LRRTM4: variants seen among roughly 807,000 people sequenced by gnomAD.
The protein encoded by LRRTM4 is leucine-rich repeat transmembrane neuronal protein 4.
A neutral mutation model predicts 47.6 loss-of-function variants in LRRTM4; 25 were observed. The observed-to-expected ratio is 0.53, with a 90% CI of 0.38 to 0.73. The LOEUF is 0.73. Among genes scored for constraint, LRRTM4 ranks in the 30% least tolerant of loss-of-function variants. LRRTM4 has a pLI of 0.00. For missense variants in LRRTM4, 638 were observed against 713.4 expected, an observed-to-expected ratio of 0.89 and a Z score of 1.20; for synonymous variants, 311 against 269.5, an observed-to-expected ratio of 1.15 and a Z score of -1.51.
chr2:77,446,830 G>C (rs568984471), intron 3 of LRRTM4, among the ~76,000 whole-genome samples: 1 of 152,162 alleles, frequency 6.6e-6, no homozygotes, highest in South Asian at 2.1e-4. Flanking sequence ...CCCTCTACTA[G>C]TATAAGAAAG....
chr2:77,409,605 CT>C (rs1020870904), intron 3 of LRRTM4, among the ~76,000 whole-genome samples: 28 of 152,088 alleles, frequency 1.8e-4, no homozygotes, highest in African/African-American at 5.8e-4. Flanking sequence ...CACTTTAAGA[CT>C]TTTTTTCTTT....
At chr2:76,858,352 T>A (rs1672216394) in intron 3 of LRRTM4, among the ~76,000 whole-genome samples, 1 of 152,202 alleles carries the variant, frequency 6.6e-6, no homozygotes, top group Admixed American at 6.5e-5. Flanking sequence ...CATTGACTTT[T>A]TCCGACCTGA....
In LRRTM4 at chr2:77,382,818, GA is replaced by G. The variant is rs1228593928; in HGVS notation, c.1551+135499del. On this transcript the variant is annotated intron_variant, in intron 3 of 3. Coordinates refer to ENST00000409884, the MANE Select transcript of LRRTM4 (RefSeq NM_001134745.3). The stretch of plus-strand genomic sequence containing the variant: ...ATTTTTTAACTAAATTGAAATCTAA[GA>G]GTACATGAAATCTAACCTGAAAATG... 2.6e-5 allele frequency among the ~76,000 whole-genome samples: 4 copies of G among 152,010 alleles called. No homozygotes were observed. In the South Asian group the frequency reaches 8.3e-4, roughly 31 times the overall value.
chr2:77,075,642 G>C (rs982459123), intron 3 of LRRTM4, among the ~76,000 whole-genome samples: 1 of 151,990 alleles, frequency 6.6e-6, no homozygotes, highest in South Asian at 2.1e-4. Context: ...GGGGCCGGGC[G>C]CGGTGGCTCA....
chr2:76,961,236 T>C (rs1375105631), intron 3 of LRRTM4, among the ~76,000 whole-genome samples: 1 of 151,434 alleles, frequency 6.6e-6, no homozygotes, highest in Non-Finnish European at 1.5e-5. Context: ...TCTAATATAA[T>C]TGGAAATCTT....
intron 3 of LRRTM4, among the ~76,000 whole-genome samples, chr2:77,147,763 A>G (rs148662265): frequency 1.3e-5 from 2 of 152,356 alleles, no homozygotes; most frequent in African/African-American, 4.8e-5. Flanking sequence ...AACATAAATA[A>G]AAAGATCATT....
chr2:77,128,090 C>A (rs1375791126), intron 3 of LRRTM4, among the ~76,000 whole-genome samples: 1 of 151,438 alleles, frequency 6.6e-6, no homozygotes, highest in African/African-American at 2.4e-5. Flanking sequence ...TTGCAGTGAG[C>A]CAAGATCGCG....
intron 3 of LRRTM4, among the ~76,000 whole-genome samples, chr2:77,221,030 A>G (rs1256073770): frequency 6.6e-6 from 1 of 152,202 alleles, no homozygotes; most frequent in African/African-American, 2.4e-5. Flanking sequence ...TACAAGCCAG[A>G]AGAGAGTGGG....
At position 76,902,972 on chromosome 2, in the gene LRRTM4, G is replaced by T. The variant is rs1419525508; in HGVS notation, c.1552-154056C>A. Among the ~76,000 whole-genome samples the T allele has an allele frequency of 2.0e-5, 3 of 151,840 alleles. No individual in the cohort carries two copies. In the East Asian group the frequency reaches 5.8e-4, roughly 29 times the overall value. ...ATATAATAAACTAATAAATTGGGTG[G>T]GTCAAGGTTAATGTAATTTTAAACT... is the stretch of plus-strand genomic sequence containing the variant. On this transcript the variant is annotated intron_variant, in intron 3 of 3. Coordinates refer to ENST00000409884, the MANE Select transcript of LRRTM4 (RefSeq NM_001134745.3).
chr2:77,258,630 TG>T (rs1174130260), intron 3 of LRRTM4, among the ~76,000 whole-genome samples: 2 of 151,934 alleles, frequency 1.3e-5, no homozygotes, highest in Non-Finnish European at 1.5e-5. Context: ...AAAACAAACA[TG>T]GCACTGAGAT....
At chr2:77,062,975 GAC>G (rs1161413671) in intron 3 of LRRTM4, among the ~76,000 whole-genome samples, 1 of 128,688 alleles carries the variant, frequency 7.8e-6, no homozygotes, top group African/African-American at 3.0e-5. Flanking sequence ...TTTTTTTTGA[GAC>G]AGAGTCTTGC....
At chr2:77,430,539 C>T (rs952082933) in intron 3 of LRRTM4, among the ~76,000 whole-genome samples, 5 of 151,530 alleles carry the variant, frequency 3.3e-5, no homozygotes, top group Admixed American at 6.6e-5. Flanking sequence ...CTGACCAACA[C>T]GGAGAAACCC....
intron 3 of LRRTM4, among the ~76,000 whole-genome samples, chr2:77,433,724 T>C (rs1675477669): frequency 6.6e-6 from 1 of 151,568 alleles, no homozygotes; most frequent in African/African-American, 2.4e-5. Context: ...GGCTTTGGAG[T>C]TTTCAAATGT....
intron 3 of LRRTM4, among the ~76,000 whole-genome samples, chr2:76,785,142 A>G (rs576735355): frequency 6.2e-4 from 94 of 152,244 alleles, no homozygotes; most frequent in African/African-American, 2.0e-3. Flanking sequence ...AGTACAAACA[A>G]TTAATTTAAA....
chr2:77,479,695 T>C (rs1315797907), intron 3 of LRRTM4, among the ~76,000 whole-genome samples: 1 of 152,106 alleles, frequency 6.6e-6, no homozygotes, highest in Non-Finnish European at 1.5e-5. Flanking sequence ...TCTCTCTCTT[T>C]TTCTCGTCTC....
chr2:76,942,163 T>A (rs2103863854), intron 3 of LRRTM4, among the ~76,000 whole-genome samples: 1 of 152,322 alleles, frequency 6.6e-6, no homozygotes, highest in African/African-American at 2.4e-5. Context: ...TGGTGTTTTT[T>A]TTTCTTGTAA....
intron 3 of LRRTM4, among the ~76,000 whole-genome samples, chr2:76,885,629 C>T (rs1673051777): frequency 6.6e-6 from 1 of 151,948 alleles, no homozygotes; most frequent in South Asian, 2.1e-4. Flanking sequence ...CCACGTCCGG[C>T]TAATTGTTTG....
chr2:77,402,176 C>T (rs1301324015), intron 3 of LRRTM4, among the ~76,000 whole-genome samples: 2 of 152,022 alleles, frequency 1.3e-5, no homozygotes, highest in Admixed American at 6.6e-5. Flanking sequence ...GACAGGGTCT[C>T]GCTATGTCAC....
intron 3 of LRRTM4, among the ~76,000 whole-genome samples, chr2:77,506,376 T>C (rs78084324): frequency 0.042 from 6,407 of 151,714 alleles, 461 homozygotes; most frequent in African/African-American, 0.15. Context: ...GAGAAAGGCA[T>C]TTTTAAAGTA....
Sources: gnomAD v4.1 joint callset for allele counts (sites outside exome capture counted in the v4.1 genomes callset) on GRCh38, gnomAD v4.1.1 for gene constraint, MANE v1.5 for transcripts, NCBI Gene and HGNC (gene_info 2026-07-23, HGNC 2026-07-21) for gene names.